The following LHFPL3 variants were observed in gnomAD, a reference collection of about 807,000 sequenced individuals.
The protein encoded by LHFPL3 is LHFPL tetraspan subfamily member 3, also known as LHFPL tetraspan subfamily member 3 protein.
Under a neutral mutation model 19.3 loss-of-function variants are expected in LHFPL3, and 5 were observed. The ratio of observed to expected loss-of-function variants is 0.26; its 90% confidence interval spans 0.14 to 0.54. The LOEUF is 0.54. LHFPL3 is among the 20% of genes least tolerant of loss of function. The pLI, the probability that LHFPL3 is intolerant of heterozygous loss-of-function variation, is 0.94. For missense variants in LHFPL3, 249 were observed against 307.4 expected (o/e 0.81, Z 1.42); for synonymous variants, 133 against 126.2 (o/e 1.05, Z -0.36).
chr7:104,521,540 G>A (rs1341255442), intron 1 of LHFPL3, among the ~76,000 whole-genome samples: 1 of 151,870 alleles, frequency 6.6e-6, no homozygotes, highest in Non-Finnish European at 1.5e-5. Context: ...TGACAAATGG[G>A]ATCTAATTAA....
At chr7:104,532,866 G>T (rs907481076) in intron 1 of LHFPL3, among the ~76,000 whole-genome samples, 3 of 152,120 alleles carry the variant, frequency 2.0e-5, no homozygotes, top group Non-Finnish European at 4.4e-5. Flanking sequence ...TAGACAAAAG[G>T]ATCTGCAAAT....
intron 1 of LHFPL3, among the ~76,000 whole-genome samples, chr7:104,389,772 A>G (rs540486894): frequency 3.3e-5 from 5 of 152,326 alleles, no homozygotes; most frequent in African/African-American, 1.2e-4. Flanking sequence ...AAGAAAAAAT[A>G]GTCTTTTCAA....
At chr7:104,903,957 A>T (rs894271912) in intron 2 of LHFPL3, among the ~76,000 whole-genome samples, 1 of 152,132 alleles carries the variant, frequency 6.6e-6, no homozygotes, top group Non-Finnish European at 1.5e-5. Context: ...CACTAATGGG[A>T]TTGCTGGGTT....
intron 1 of LHFPL3, among the ~76,000 whole-genome samples, chr7:104,692,755 C>G (rs1415086252): frequency 1.3e-5 from 2 of 152,214 alleles, no homozygotes; most frequent in African/African-American, 4.8e-5. Context: ...GATGTCCAGG[C>G]AGAAGTTTGC....
chr7:104,629,568 C>T (rs1443783835), intron 1 of LHFPL3, among the ~76,000 whole-genome samples: 1 of 152,192 alleles, frequency 6.6e-6, no homozygotes, highest in Non-Finnish European at 1.5e-5. Context: ...CTTCTGTTAT[C>T]TGTCATTTGT....
At chr7:104,558,030 A>G (rs1789886913) in intron 1 of LHFPL3, among the ~76,000 whole-genome samples, 1 of 149,738 alleles carries the variant, frequency 6.7e-6, no homozygotes, top group Non-Finnish European at 1.5e-5. Context: ...ATGGCTGCAT[A>G]GTATTCCATG....
At chr7:104,670,278 C>T (rs1584471839) in intron 1 of LHFPL3, among the ~76,000 whole-genome samples, 1 of 151,956 alleles carries the variant, frequency 6.6e-6, no homozygotes, top group Non-Finnish European at 1.5e-5. Context: ...AGTCATTTTG[C>T]ACCAGGTAAT....
chr7:104,394,990 C>A (rs557230463), intron 1 of LHFPL3, among the ~76,000 whole-genome samples: 1 of 151,930 alleles, frequency 6.6e-6, no homozygotes, highest in Non-Finnish European at 1.5e-5. Flanking sequence ...TGAGCCAGCA[C>A]GCCAGGCTGC....
Position 104,736,800 on chromosome 7 carries a change from A to G in LHFPL3, c.571A>G (p.Ile191Val). ...LGACSVRWAY[I>V]LAIIGILDAL... is the part of the protein sequence containing the mutation. ...GGCTTGCTCAGTCCGCTGGGCATACATCCTGGCTATTATTGGAATTTTGGA... is the reference window on the plus strand; with the variant it reads ...GGCTTGCTCAGTCCGCTGGGCATACGTCCTGGCTATTATTGGAATTTTGGA... Residue 191 changes from isoleucine (I) to valine (V), a missense_variant, in exon 2 of 3, where the codon ATC becomes GTC. Coordinates refer to ENST00000424859, the MANE Select transcript of LHFPL3 (RefSeq NM_199000.3). 2 of 1,613,540 alleles carry G rather than the reference A, an allele frequency of 1.2e-6. No homozygotes were observed. The highest frequency in any genetic ancestry group is 1.7e-6 in the Non-Finnish European group (2 of 1,179,772).
intron 1 of LHFPL3, among the ~76,000 whole-genome samples, chr7:104,585,773 G>A (rs895399900): frequency 6.6e-6 from 1 of 152,082 alleles, no homozygotes; most frequent in African/African-American, 2.4e-5. Flanking sequence ...CAAATGCTTT[G>A]TAATGTACTT....
At chr7:104,583,555 T>G (rs1790505036) in intron 1 of LHFPL3, among the ~76,000 whole-genome samples, 1 of 152,178 alleles carries the variant, frequency 6.6e-6, no homozygotes, top group South Asian at 2.1e-4. Context: ...TTTTGCAACC[T>G]ACTCATCTGA....
chr7:104,758,482 G>T (rs1262359158), intron 2 of LHFPL3, among the ~76,000 whole-genome samples: 1 of 152,102 alleles, frequency 6.6e-6, no homozygotes, highest in Non-Finnish European at 1.5e-5. Flanking sequence ...GTTCAAGCTG[G>T]AATAGGACCG....
At chr7:104,613,632 A>C (rs961818672) in intron 1 of LHFPL3, among the ~76,000 whole-genome samples, 1 of 152,124 alleles carries the variant, frequency 6.6e-6, no homozygotes, top group Non-Finnish European at 1.5e-5. Flanking sequence ...CCTAATCAGC[A>C]CTTGCCTAGA....
chr7:104,637,448 C>T lies in LHFPL3; in HGVS notation c.446-99227C>T, dbSNP rs181132975. Among the ~76,000 whole-genome samples, 20 of 152,284 alleles carry T rather than the reference C, an allele frequency of 1.3e-4. No homozygotes were observed. The East Asian group carries it at 3.9e-3, about 29-fold the overall frequency. ...GCTTTTGGCGTCTTCATCATGAAAT[C>T]TTTGCCAGTTCCTATGTCCAGAATG... On this transcript the variant is annotated intron_variant, in intron 1 of 2. Transcript: ENST00000424859.
intron 1 of LHFPL3, among the ~76,000 whole-genome samples, chr7:104,515,807 C>G (rs1313726598): frequency 6.6e-6 from 1 of 152,084 alleles, no homozygotes; most frequent in Non-Finnish European, 1.5e-5. Flanking sequence ...GTGGAAAATA[C>G]TGAGGCAATT....
chr7:104,470,493 C>G (rs1410196854), intron 1 of LHFPL3, among the ~76,000 whole-genome samples: 1 of 152,220 alleles, frequency 6.6e-6, no homozygotes, highest in Non-Finnish European at 1.5e-5. Context: ...CCATGACCAT[C>G]TCCATGCTTT....
At chr7:104,368,610 T>G (rs1181788960) in intron 1 of LHFPL3, among the ~76,000 whole-genome samples, 1 of 152,030 alleles carries the variant, frequency 6.6e-6, no homozygotes, top group Non-Finnish European at 1.5e-5. Context: ...CTTTCGGCCT[T>G]AGCATCTTTG....
chr7:104,420,783 C>T (rs899030630), intron 1 of LHFPL3, among the ~76,000 whole-genome samples: 1 of 151,866 alleles, frequency 6.6e-6, no homozygotes, highest in African/African-American at 2.4e-5. Context: ...AGGATGGTCT[C>T]GATCTCCTGA....
chr7:104,467,154 G>A (rs538267174), intron 1 of LHFPL3, among the ~76,000 whole-genome samples: 1 of 152,272 alleles, frequency 6.6e-6, no homozygotes, highest in South Asian at 2.1e-4. Context: ...CATAGTCAGT[G>A]ACATCGAGTT....
Sources: gnomAD v4.1 joint callset for allele counts (sites outside exome capture counted in the v4.1 genomes callset) on GRCh38, gnomAD v4.1.1 for gene constraint, MANE v1.5 for transcripts, NCBI Gene and HGNC (gene_info 2026-07-23, HGNC 2026-07-21) for gene names.